Variants in SLC8A1 observed in about 807,000 individuals in gnomAD.
The protein encoded by SLC8A1 is sodium/calcium exchanger 1.
A neutral mutation model predicts 68.3 loss-of-function variants in SLC8A1; 18 were observed. That is an observed-to-expected ratio of 0.26 (90% confidence interval 0.18 to 0.39). SLC8A1 has a LOEUF of 0.39. Among genes scored for constraint, SLC8A1 ranks in the 10% least tolerant of loss-of-function variants. The pLI is 1.00. For missense variants in SLC8A1, 985 were observed against 1,156.7 expected (o/e 0.85, Z 2.15); for synonymous variants, 475 against 415.5 (o/e 1.14, Z -1.74).
At chr2:40,427,608 C>A (rs1697225149) in intron 2 of SLC8A1, among the ~76,000 whole-genome samples, 1 of 152,050 alleles carries the variant, frequency 6.6e-6, no homozygotes, top group African/African-American at 2.4e-5. Flanking sequence ...GGGGGAACAG[C>A]CCTCTAAATA....
intron 2 of SLC8A1, among the ~76,000 whole-genome samples, chr2:40,419,409 T>C (rs940252487): frequency 5.3e-5 from 8 of 152,170 alleles, no homozygotes; most frequent in Non-Finnish European, 8.8e-5. Flanking sequence ...TCAGTTCATT[T>C]TAGTCACAGC....
At chr2:40,242,951 G>C (rs200072208) in intron 2 of SLC8A1, among the ~76,000 whole-genome samples, 1 of 137,482 alleles carries the variant, frequency 7.3e-6, no homozygotes, top group Admixed American at 6.9e-5. Context: ...TAGTTATTAA[G>C]ATTATTTTCC....
chr2:40,220,699 G>C (rs1403276836), intron 2 of SLC8A1, among the ~76,000 whole-genome samples: 1 of 151,516 alleles, frequency 6.6e-6, no homozygotes, highest in East Asian at 1.9e-4. Flanking sequence ...AAGTCTTCTT[G>C]GCTTGGAGCT....
chr2:40,234,541 G>A (rs1216890917), intron 2 of SLC8A1, among the ~76,000 whole-genome samples: 1 of 152,108 alleles, frequency 6.6e-6, no homozygotes, highest in Non-Finnish European at 1.5e-5. Context: ...CATGTCTTCT[G>A]CAAAAAGGGA....
At chr2:40,266,569 CCTG>C (rs1223854262) in intron 2 of SLC8A1, among the ~76,000 whole-genome samples, 1 of 152,086 alleles carries the variant, frequency 6.6e-6, no homozygotes, top group African/African-American at 2.4e-5. Context: ...CGTAATGATG[CCTG>C]CTGTTTTCTC....
At chr2:40,325,897 C>G in intron 2 of SLC8A1, among the ~76,000 whole-genome samples, 1 of 151,204 alleles carries the variant, frequency 6.6e-6, no homozygotes, top group Admixed American at 6.6e-5. Flanking sequence ...TATAGGTTAC[C>G]TAGAATGGGT....
At chr2:40,237,956 G>T (rs1019529292) in intron 2 of SLC8A1, among the ~76,000 whole-genome samples, 6 of 151,470 alleles carry the variant, frequency 4.0e-5, no homozygotes, top group South Asian at 2.1e-4. Context: ...GAGGCAGTCT[G>T]CCCGTTCTCA....
intron 1 of SLC8A1, among the ~76,000 whole-genome samples, chr2:40,473,449 A>G (rs1408174954): frequency 6.6e-6 from 1 of 152,096 alleles, no homozygotes; most frequent in East Asian, 1.9e-4. Flanking sequence ...ATTTTTCTCC[A>G]TAGCACATAA....
At chr2:40,392,256 G>A (rs1365345356) in intron 2 of SLC8A1, among the ~76,000 whole-genome samples, 1 of 146,378 alleles carries the variant, frequency 6.8e-6, no homozygotes, top group African/African-American at 2.4e-5. Flanking sequence ...AAGCAAGCAA[G>A]CAAGCAAGCA....
chr2:40,480,975 C>T (rs894464506), intron 1 of SLC8A1, among the ~76,000 whole-genome samples: 1 of 152,134 alleles, frequency 6.6e-6, no homozygotes, highest in South Asian at 2.1e-4. Context: ...TAACCACAAC[C>T]TTTTAATTAT....
intron 2 of SLC8A1, among the ~76,000 whole-genome samples, chr2:40,272,244 A>C (rs1489925286): frequency 2.0e-5 from 3 of 152,088 alleles, no homozygotes; most frequent in Non-Finnish European, 4.4e-5. Flanking sequence ...AATCCATTCA[A>C]CACATGCTTA....
chr2:40,161,978 T>G (rs139581565), intron 5 of SLC8A1, among the ~76,000 whole-genome samples: 64 of 152,310 alleles, frequency 4.2e-4, no homozygotes, highest in African/African-American at 1.5e-3. Flanking sequence ...GGGCTTGTAT[T>G]AAAGGCCAAA....
intron 2 of SLC8A1, among the ~76,000 whole-genome samples, chr2:40,324,959 C>A (rs775111431): frequency 1.6e-4 from 24 of 152,038 alleles, no homozygotes; most frequent in Non-Finnish European, 3.2e-4. Flanking sequence ...GGCCCTGGAT[C>A]TCTCCTCTCC....
chr2:40,263,717 T>C (rs2149104296), intron 2 of SLC8A1, among the ~76,000 whole-genome samples: 1 of 152,234 alleles, frequency 6.6e-6, no homozygotes, highest in South Asian at 2.1e-4. Context: ...TAATTCAAGA[T>C]GGATTAAAGA....
At chr2:40,107,605 CT>C (rs1174295140) in exon 8 of SLC8A1, 3 of 152,114 alleles carry the variant, frequency 2.0e-5, no homozygotes, top group Non-Finnish European at 4.4e-5. Flanking sequence ...ATTCTAAGCC[CT>C]TTTCAAACAG....
intron 2 of SLC8A1, among the ~76,000 whole-genome samples, chr2:40,371,384 G>A (rs904370057): frequency 2.0e-5 from 3 of 152,052 alleles, no homozygotes; most frequent in Non-Finnish European, 4.4e-5. Context: ...GAGGCCAGGG[G>A]CAGTCCTGTT....
intron 2 of SLC8A1, among the ~76,000 whole-genome samples, chr2:40,422,305 G>A (rs1444591480): frequency 6.6e-6 from 1 of 152,128 alleles, no homozygotes; most frequent in Non-Finnish European, 1.5e-5. Flanking sequence ...CAGCCATGGA[G>A]GAAATATGAT....
intron 2 of SLC8A1, among the ~76,000 whole-genome samples, chr2:40,389,294 T>TATC (rs1684559975): frequency 1.3e-5 from 2 of 152,066 alleles, no homozygotes; most frequent in African/African-American, 4.8e-5. Flanking sequence ...ATCCCCAGTC[T>TATC]CACGGTAAGT....
At chr2:40,259,813 A>G (rs767063685) in intron 2 of SLC8A1, among the ~76,000 whole-genome samples, 72 of 152,316 alleles carry the variant, frequency 4.7e-4, no homozygotes, top group South Asian at 1.0e-3. Context: ...GGGCTAGTAT[A>G]CCAAGTAAAT....
Sources: gnomAD v4.1 joint callset for allele counts (sites outside exome capture counted in the v4.1 genomes callset) on GRCh38, gnomAD v4.1.1 for gene constraint, MANE v1.5 for transcripts, NCBI Gene and HGNC (gene_info 2026-07-23, HGNC 2026-07-21) for gene names.